TPRG1: variants seen among roughly 807,000 people sequenced by gnomAD.
TPRG1 encodes the protein tumor protein p63 regulated 1.
A neutral mutation model predicts 29.3 loss-of-function variants in TPRG1; 29 were observed. That is an observed-to-expected ratio of 0.99 (90% CI 0.74 to 1.35). The LOEUF is 1.35. Ranked by LOEUF, TPRG1 falls within the 40% of genes most tolerant of loss-of-function variation. The probability of loss-of-function intolerance (pLI) is 0.00; values close to 1 mark genes in which losing one functional copy is unlikely to be tolerated. For synonymous variants in TPRG1, 130 were observed against 116.8 expected (o/e 1.11, Z -0.73); for missense variants, 327 against 335.0 (o/e 0.98, Z 0.19).
intron 4 of TPRG1, among the ~76,000 whole-genome samples, chr3:189,245,763 G>A (rs1159399001): frequency 6.6e-6 from 1 of 151,980 alleles, no homozygotes; most frequent in Non-Finnish European, 1.5e-5. Context: ...ACTGAGTGGA[G>A]TGCAAAAATC....
chr3:189,306,667 C>T (rs963784857), intron 4 of TPRG1, among the ~76,000 whole-genome samples: 2 of 152,094 alleles, frequency 1.3e-5, no homozygotes, highest in African/African-American at 4.8e-5. Flanking sequence ...AAAAGTAGCT[C>T]AAAATTACTA....
chr3:189,057,838 G>GTATGTATATA (rs1472790903), intron 4 of TPRG1, among the ~76,000 whole-genome samples: 6 of 107,530 alleles, frequency 5.6e-5, no homozygotes, highest in Admixed American at 8.7e-5. Flanking sequence ...ACACACATAT[G>GTATGTATATA]TATGTGTGTA....
intron 4 of TPRG1, among the ~76,000 whole-genome samples, chr3:189,256,890 ATG>A (rs1712001505): frequency 2.0e-5 from 3 of 152,150 alleles, no homozygotes; most frequent in Admixed American, 2.0e-4. Context: ...TTTTGAGCCT[ATG>A]TGTGTCTTTG....
At chr3:189,187,950 A>G (rs1280556252) in intron 1 of TPRG1, among the ~76,000 whole-genome samples, 1 of 152,222 alleles carries the variant, frequency 6.6e-6, no homozygotes, top group Non-Finnish European at 1.5e-5. Context: ...TGTTGTATGT[A>G]AATCAAAAGT....
rs1712435476 is a variant in TPRG1 at position 189,008,623 on chromosome 3, TA to T, written c.-660+3864del. Among the ~76,000 whole-genome samples the T allele has an allele frequency of 5.3e-5, 8 of 152,296 alleles. No individual in the cohort carries two copies. In the South Asian group the frequency reaches 1.4e-3, roughly 28 times the overall value. On this transcript the variant is annotated intron_variant, in intron 3 of 10. Coordinates refer to the TPRG1 transcript ENST00000433971. ...TTTTTCCTTCCAAAGCAGTATTTTTTACTGTCTTTCTTGGACTGACAAGAAG... is the reference window on the plus strand; with the variant it reads ...TTTTTCCTTCCAAAGCAGTATTTTTTCTGTCTTTCTTGGACTGACAAGAAG...
At chr3:189,167,195 A>G (rs565179960), upstream of TPRG1, among the ~76,000 whole-genome samples, 1 of 152,110 alleles carries the variant, frequency 6.6e-6, no homozygotes. Context: ...CTTCCTCCTG[A>G]GCCCTGTGAA....
At chr3:189,007,474 T>G (rs974182451) in intron 3 of TPRG1, among the ~76,000 whole-genome samples, 85 of 151,862 alleles carry the variant, frequency 5.6e-4, no homozygotes, top group African/African-American at 2.0e-3. Context: ...TCAACGATTG[T>G]GGAAGTCAGT....
intron 4 of TPRG1, among the ~76,000 whole-genome samples, chr3:189,250,632 G>T (rs1742085817): frequency 6.7e-6 from 1 of 150,276 alleles, no homozygotes. Flanking sequence ...AAGGTCAAAG[G>T]TAAGGCAGCA....
At chr3:189,236,039 A>C (rs1578962766) in intron 3 of TPRG1, among the ~76,000 whole-genome samples, 1 of 152,324 alleles carries the variant, frequency 6.6e-6, no homozygotes, top group East Asian at 1.9e-4. Context: ...TATGCAATTT[A>C]ATGTTTCTCC....
intron 1 of TPRG1, among the ~76,000 whole-genome samples, chr3:189,115,094 G>T (rs1721014185): frequency 6.6e-6 from 1 of 152,232 alleles, no homozygotes; most frequent in South Asian, 2.1e-4. Flanking sequence ...TAGAGGTTGT[G>T]GTTGTATTGT....
At chr3:189,026,118 CAG>C (rs1232831031) in intron 4 of TPRG1, among the ~76,000 whole-genome samples, 1 of 152,122 alleles carries the variant, frequency 6.6e-6, no homozygotes, top group Non-Finnish European at 1.5e-5. Context: ...GGTGTCTTAA[CAG>C]ACATTTTTTT....
chr3:189,297,412 C>T (rs1199208623), intron 4 of TPRG1, among the ~76,000 whole-genome samples: 1 of 152,176 alleles, frequency 6.6e-6, no homozygotes, highest in East Asian at 1.9e-4. Context: ...CCCTTTCTAG[C>T]TGTGCCCATC....
At chr3:189,285,416 T>C (rs1717890993) in intron 4 of TPRG1, among the ~76,000 whole-genome samples, 2 of 152,148 alleles carry the variant, frequency 1.3e-5, no homozygotes, top group African/African-American at 4.8e-5. Flanking sequence ...AAGGGCCCTT[T>C]GAGGACATCT....
chr3:189,086,016 G>C (rs1047386362), intron 4 of TPRG1, among the ~76,000 whole-genome samples: 1 of 152,116 alleles, frequency 6.6e-6, no homozygotes, highest in African/African-American at 2.4e-5. Flanking sequence ...CCCACAATAG[G>C]CCATCTGCAA....
chr3:189,311,425 T>TA (rs1722468402), intron 5 of TPRG1, among the ~76,000 whole-genome samples: 1 of 152,196 alleles, frequency 6.6e-6, no homozygotes, highest in Non-Finnish European at 1.5e-5. Context: ...TGATGGCATA[T>TA]ATTACATTTC....
chr3:189,260,394 C>T (rs1419424631), intron 4 of TPRG1, among the ~76,000 whole-genome samples: 1 of 152,158 alleles, frequency 6.6e-6, no homozygotes, highest in African/African-American at 2.4e-5. Flanking sequence ...TGCTAAATTT[C>T]TAAAATCTCT....
chr3:189,104,144 G>A (rs1028978486), intron 1 of TPRG1, among the ~76,000 whole-genome samples: 1 of 152,086 alleles, frequency 6.6e-6, no homozygotes, highest in Admixed American at 6.6e-5. Context: ...GTAGCTCCTG[G>A]TAGATGCCCC....
chr3:189,227,054 T>C (rs1257110867), intron 3 of TPRG1, among the ~76,000 whole-genome samples: 2 of 151,040 alleles, frequency 1.3e-5, no homozygotes, highest in African/African-American at 4.9e-5. Flanking sequence ...ATTAGGAAAC[T>C]GAACAATTAG....
At chr3:189,267,370 C>T (rs1714287288) in intron 4 of TPRG1, among the ~76,000 whole-genome samples, 1 of 152,086 alleles carries the variant, frequency 6.6e-6, no homozygotes, top group Admixed American at 6.6e-5. Flanking sequence ...ATTGGCCTTG[C>T]CCTCAAATAG....
Sources: gnomAD v4.1 joint callset for allele counts (sites outside exome capture counted in the v4.1 genomes callset) on GRCh38, gnomAD v4.1.1 for gene constraint, MANE v1.5 for transcripts, NCBI Gene and HGNC (gene_info 2026-07-23, HGNC 2026-07-21) for gene names.